The following DGKB variants were observed in gnomAD, a reference collection of about 807,000 sequenced individuals.
DGKB encodes the protein 90 kDa diacylglycerol kinase.
DGKB carries 67 observed loss-of-function variants against 114.3 expected under a neutral mutation model. The ratio of observed to expected loss-of-function variants is 0.59; its 90% CI spans 0.48 to 0.72. DGKB has a LOEUF of 0.72. Among genes scored for constraint, DGKB ranks in the 30% least tolerant of loss-of-function variants. The pLI is 0.00. For synonymous variants in DGKB, 398 were observed against 323.1 expected, an observed-to-expected ratio of 1.23 and a Z score of -2.49; for missense variants, 907 against 975.2, an observed-to-expected ratio of 0.93 and a Z score of 0.93.
intron 20 of DGKB, among the ~76,000 whole-genome samples, chr7:14,493,899 A>G (rs1029838510): frequency 5.3e-5 from 8 of 151,126 alleles, no homozygotes; most frequent in South Asian, 2.1e-4. Flanking sequence ...AAGTCATCAT[A>G]AAATACCATG....
intron 2 of DGKB, among the ~76,000 whole-genome samples, chr7:14,816,795 A>T (rs1744745672): frequency 2.0e-5 from 3 of 152,204 alleles, no homozygotes; most frequent in Admixed American, 2.0e-4. Flanking sequence ...GCAAAAATAA[A>T]ACCACCTGTG....
intron 21 of DGKB, among the ~76,000 whole-genome samples, chr7:14,475,706 A>G (rs185681593): frequency 7.2e-5 from 11 of 152,246 alleles, no homozygotes; most frequent in Admixed American, 3.9e-4. Flanking sequence ...AAATTTGCAA[A>G]GAAGTTTTAA....
chr7:14,798,705 C>G (rs969015828), intron 2 of DGKB, among the ~76,000 whole-genome samples: 1 of 152,174 alleles, frequency 6.6e-6, no homozygotes, highest in Non-Finnish European at 1.5e-5. Context: ...CCAGTTATAA[C>G]AGGACTTATG....
intron 24 of DGKB, among the ~76,000 whole-genome samples, chr7:14,177,654 G>A (rs778988032): frequency 6.6e-6 from 1 of 151,744 alleles, no homozygotes; most frequent in Admixed American, 6.6e-5. Flanking sequence ...TCTTACTGTG[G>A]CACTTTAGTC....
intron 2 of DGKB, among the ~76,000 whole-genome samples, chr7:14,759,504 TATA>T (rs1324255505): frequency 6.6e-6 from 1 of 152,202 alleles, no homozygotes; most frequent in African/African-American, 2.4e-5. Context: ...AATTGAATCA[TATA>T]ATATGTTTCC....
At chr7:14,620,007 T>G (rs928468420) in intron 15 of DGKB, among the ~76,000 whole-genome samples, 3 of 151,584 alleles carry the variant, frequency 2.0e-5, no homozygotes, top group Admixed American at 1.3e-4. Context: ...AGATTTAAAC[T>G]TATCAATATT....
intron 23 of DGKB, among the ~76,000 whole-genome samples, chr7:14,253,470 C>CT (rs1795537295): frequency 6.6e-6 from 1 of 152,152 alleles, no homozygotes; most frequent in African/African-American, 2.4e-5. Context: ...GCTATTAGCA[C>CT]TATATTGTCT....
At chr7:14,453,865 TG>T (rs1171587225) in intron 21 of DGKB, among the ~76,000 whole-genome samples, 1 of 152,178 alleles carries the variant, frequency 6.6e-6, no homozygotes, top group Non-Finnish European at 1.5e-5. Context: ...GGGCCAGAAC[TG>T]GCATATGGGC....
intron 9 of DGKB, among the ~76,000 whole-genome samples, chr7:14,690,534 T>C (rs1822644701): frequency 6.6e-6 from 1 of 152,252 alleles, no homozygotes; most frequent in Admixed American, 6.5e-5. Context: ...AGATCAGCGG[T>C]TGGCAAACTA....
rs566805829 is a variant in DGKB at position 14,346,951 on chromosome 7, T to C, written c.1836-1560A>G. The stretch of plus-strand genomic sequence containing the variant: ...CAGCAACTTTCTAATAACATTTTTG[T>C]GTTATTCTTTTCTCCAGACCTTCCA... On this transcript the variant is annotated intron_variant, in intron 21 of 25. Transcript: ENST00000402815. Among the ~76,000 whole-genome samples the C allele has an allele frequency of 6.6e-5, 10 of 152,200 alleles. No individual in the cohort carries two copies. In the East Asian group the frequency reaches 1.9e-3, roughly 29 times the overall value.
At chr7:14,394,257 A>C (rs1821892732) in intron 21 of DGKB, among the ~76,000 whole-genome samples, 1 of 152,186 alleles carries the variant, frequency 6.6e-6, no homozygotes, top group African/African-American at 2.4e-5. Context: ...GCATCGTTAA[A>C]GACTTTGCTA....
chr7:14,151,567 A>C (rs962777901), intron 25 of DGKB, among the ~76,000 whole-genome samples: 2 of 152,096 alleles, frequency 1.3e-5, no homozygotes, highest in Non-Finnish European at 2.9e-5. Context: ...GTGACTAAGT[A>C]AAACACAAGT....
intron 21 of DGKB, among the ~76,000 whole-genome samples, chr7:14,407,233 C>G (rs1824086226): frequency 6.6e-6 from 1 of 152,044 alleles, no homozygotes; most frequent in South Asian, 2.1e-4. Flanking sequence ...GAAAGTTGCC[C>G]ACATGGATTT....
intron 23 of DGKB, among the ~76,000 whole-genome samples, chr7:14,302,696 T>G (rs1404643778): frequency 6.6e-6 from 1 of 152,138 alleles, no homozygotes; most frequent in African/African-American, 2.4e-5. Flanking sequence ...TGTAGCCTTC[T>G]TAGAGACGTA....
At chr7:14,823,851 C>G (rs189466051) in intron 2 of DGKB, among the ~76,000 whole-genome samples, 1 of 152,086 alleles carries the variant, frequency 6.6e-6, no homozygotes, top group Non-Finnish European at 1.5e-5. Context: ...TTAACATGAC[C>G]TGTATCACCA....
At chr7:14,387,878 TTTC>T (rs1393837999) in intron 21 of DGKB, among the ~76,000 whole-genome samples, 2 of 120,136 alleles carry the variant, frequency 1.7e-5, no homozygotes, top group African/African-American at 2.8e-5. Flanking sequence ...GAAGTGTCCT[TTTC>T]TTTTTTTTTT....
intron 2 of DGKB, among the ~76,000 whole-genome samples, chr7:14,781,483 C>G (rs568924709): frequency 6.6e-6 from 1 of 152,188 alleles, no homozygotes; most frequent in African/African-American, 2.4e-5. Context: ...TGCCTCCCCA[C>G]AGCTCTCCTC....
intron 20 of DGKB, among the ~76,000 whole-genome samples, chr7:14,500,372 T>G (rs1488474031): frequency 6.6e-6 from 1 of 151,882 alleles, no homozygotes; most frequent in South Asian, 2.1e-4. Flanking sequence ...AAAATAGGTA[T>G]TTTTTATTAT....
At chr7:14,548,633 T>C (rs147980417) in intron 20 of DGKB, among the ~76,000 whole-genome samples, 72 of 152,150 alleles carry the variant, frequency 4.7e-4, no homozygotes, top group African/African-American at 1.6e-3. Flanking sequence ...GGAGATGAGA[T>C]TGGAGATTGA....
Sources: allele counts gnomAD v4.1 joint callset (sites outside exome capture counted in the v4.1 genomes callset), GRCh38; gene constraint gnomAD v4.1.1; transcripts MANE v1.5; gene names NCBI Gene and HGNC (gene_info 2026-07-23, HGNC 2026-07-21).